EDIL3: variants seen among roughly 807,000 people sequenced by gnomAD.
EDIL3 encodes EGF-like repeat and discoidin I-like domain-containing protein 3.
Under a neutral mutation model 67.4 loss-of-function variants are expected in EDIL3, and 37 were observed. The ratio of observed to expected loss-of-function variants is 0.55; its 90% CI spans 0.42 to 0.72. EDIL3 has a LOEUF of 0.72. Ranked by LOEUF, EDIL3 falls within the 30% of genes least tolerant of loss-of-function variation. EDIL3 has a pLI of 0.00. For synonymous variants in EDIL3, 195 were observed against 196.3 expected (o/e 0.99, Z 0.05); for missense variants, 527 against 586.3 (o/e 0.90, Z 1.04).
intron 5 of EDIL3, among the ~76,000 whole-genome samples, chr5:84,113,843 C>T (rs1039325029): frequency 1.3e-5 from 2 of 152,192 alleles, no homozygotes; most frequent in East Asian, 3.9e-4. Context: ...TAAACATCTC[C>T]AGTCCTCCCT....
At position 84,327,546 on chromosome 5, in the gene EDIL3, A is replaced by G. The variant is rs188245878; in HGVS notation, c.67+56762T>C. Among the ~76,000 whole-genome samples, 202 of 152,098 alleles carry G rather than the reference A, an allele frequency of 1.3e-3. 1 individual carries two copies. The highest frequency in any genetic ancestry group is 5.2e-3 in the Admixed American group (79 of 15,242). On this transcript the variant is annotated intron_variant, in intron 1 of 10. Transcript: ENST00000296591. ...TAATCTGCATTTTAAACCTTTTTAT[A>G]ATGTCTTATTTCTACACATGTAGTA...
At chr5:84,341,807 T>A (rs556230579) in intron 1 of EDIL3, among the ~76,000 whole-genome samples, 1 of 152,200 alleles carries the variant, frequency 6.6e-6, no homozygotes, top group Admixed American at 6.6e-5. Context: ...AAAACCCAAC[T>A]ATCTAAATAT....
At chr5:83,972,756 C>A (rs546394219) in intron 9 of EDIL3, among the ~76,000 whole-genome samples, 9 of 152,068 alleles carry the variant, frequency 5.9e-5, no homozygotes, top group African/African-American at 2.2e-4. Context: ...ACCTTATTAA[C>A]AAGCACATTT....
chr5:84,101,286 T>C (rs1385160509), intron 6 of EDIL3, among the ~76,000 whole-genome samples: 1 of 152,108 alleles, frequency 6.6e-6, no homozygotes, highest in African/African-American at 2.4e-5. Flanking sequence ...GATAAGATAA[T>C]TAACCTGTTT....
chr5:84,345,691 G>GCCAGGAAAAAGTATATTTATGCA (rs1202786004), intron 1 of EDIL3, among the ~76,000 whole-genome samples: 1 of 152,124 alleles, frequency 6.6e-6, no homozygotes, highest in Non-Finnish European at 1.5e-5. Flanking sequence ...CTGAACAGAT[G>GCCAGGAAAAAGTATATTTATGCA]CCAGGAAAAA....
chr5:84,358,201 T>G (rs1042149981), intron 1 of EDIL3, among the ~76,000 whole-genome samples: 1 of 152,190 alleles, frequency 6.6e-6, no homozygotes, highest in Non-Finnish European at 1.5e-5. Flanking sequence ...CCTGGTTTTC[T>G]CTAACTAATG....
chr5:84,041,135 TAA>T (rs36023168), intron 9 of EDIL3, among the ~76,000 whole-genome samples: 10 of 143,832 alleles, frequency 7.0e-5, no homozygotes, highest in Admixed American at 1.4e-4. Context: ...TGTCTCAAAA[TAA>T]AAAAAAAAAA....
intron 1 of EDIL3, among the ~76,000 whole-genome samples, chr5:84,349,633 T>C (rs1273641231): frequency 6.6e-6 from 1 of 152,162 alleles, no homozygotes; most frequent in African/African-American, 2.4e-5. Flanking sequence ...TCTGTGAATA[T>C]AGATAAATAG....
At chr5:84,067,293 G>A (rs2301092) in intron 6 of EDIL3, among the ~76,000 whole-genome samples, 16,544 of 152,054 alleles carry the variant, frequency 0.11, 1,316 homozygotes, top group African/African-American at 0.22. Context: ...TGCTTCAGGA[G>A]TAACATACAT....
intron 3 of EDIL3, among the ~76,000 whole-genome samples, chr5:84,201,164 G>C (rs970001408): frequency 1.3e-5 from 2 of 151,866 alleles, no homozygotes; most frequent in African/African-American, 4.8e-5. Flanking sequence ...TAAACAACTG[G>C]CTTATAATCC....
chr5:84,370,168 A>G (rs1747815056), intron 1 of EDIL3, among the ~76,000 whole-genome samples: 1 of 152,152 alleles, frequency 6.6e-6, no homozygotes, highest in East Asian at 1.9e-4. Flanking sequence ...CAGGGTCTCA[A>G]ACATGTAAAT....
intron 10 of EDIL3, among the ~76,000 whole-genome samples, chr5:83,953,345 G>A (rs916472082): frequency 2.6e-5 from 4 of 151,768 alleles, no homozygotes; most frequent in Non-Finnish European, 4.4e-5. Flanking sequence ...TCTTCTTTGG[G>A]ATAAGCTAAA....
chr5:84,261,657 T>C (rs1018010328), intron 1 of EDIL3, among the ~76,000 whole-genome samples: 5 of 152,222 alleles, frequency 3.3e-5, no homozygotes, highest in African/African-American at 1.2e-4. Flanking sequence ...GCTATTTTAC[T>C]GGTAAATCAT....
intron 5 of EDIL3, among the ~76,000 whole-genome samples, chr5:84,121,618 A>T (rs1280789024): frequency 6.6e-6 from 1 of 151,820 alleles, no homozygotes; most frequent in African/African-American, 2.4e-5. Context: ...TCAGAAAAAA[A>T]AAAGGTCATC....
chr5:84,096,952 C>G (rs1747275758), intron 6 of EDIL3, among the ~76,000 whole-genome samples: 1 of 152,092 alleles, frequency 6.6e-6, no homozygotes, highest in Non-Finnish European at 1.5e-5. Context: ...TCTCTTTTTG[C>G]CTGCCACCAT....
chr5:84,256,542 G>A (rs747450164), intron 1 of EDIL3, among the ~76,000 whole-genome samples: 4 of 152,124 alleles, frequency 2.6e-5, no homozygotes, highest in Non-Finnish European at 4.4e-5. Context: ...ACTTCAGGTA[G>A]GCCACTGTAG....
intron 9 of EDIL3, among the ~76,000 whole-genome samples, chr5:83,973,468 T>C (rs1744825940): frequency 6.6e-6 from 1 of 152,092 alleles, no homozygotes; most frequent in African/African-American, 2.4e-5. Flanking sequence ...GTTTGTTATT[T>C]AGTATTTTTT....
At chr5:84,156,212 T>C (rs948315668) in intron 4 of EDIL3, among the ~76,000 whole-genome samples, 1 of 152,160 alleles carries the variant, frequency 6.6e-6, no homozygotes, top group Non-Finnish European at 1.5e-5. Flanking sequence ...TCATGCTTTA[T>C]ATGAAGGAGG....
At chr5:84,014,834 T>C (rs1745572578) in intron 9 of EDIL3, among the ~76,000 whole-genome samples, 1 of 152,186 alleles carries the variant, frequency 6.6e-6, no homozygotes, top group African/African-American at 2.4e-5. Flanking sequence ...TCTTAAAGGG[T>C]AGTTGGCAGT....
Sources: allele counts gnomAD v4.1 joint callset (sites outside exome capture counted in the v4.1 genomes callset), GRCh38; gene constraint gnomAD v4.1.1; transcripts MANE v1.5; gene names NCBI Gene and HGNC (gene_info 2026-07-23, HGNC 2026-07-21).